DUS4L: variants seen among roughly 807,000 people sequenced by gnomAD.
DUS4L encodes tRNA-dihydrouridine(20a/20b) synthase [NAD(P)+]-like.
In DUS4L, 31 loss-of-function variants were observed where a neutral mutation model predicts 33.8. That is an observed-to-expected ratio of 0.92 (90% CI 0.69 to 1.24). DUS4L has a LOEUF of 1.24. Among genes scored for constraint, DUS4L ranks in the 50% most tolerant of loss-of-function variants. The probability of loss-of-function intolerance (pLI) is 0.00; values close to 1 mark genes in which losing one functional copy is unlikely to be tolerated. For synonymous variants in DUS4L, 103 were observed against 120.3 expected (o/e 0.86, Z 0.94); for missense variants, 368 against 388.6 (o/e 0.95, Z 0.45).
At chr7:107,565,919 C>T (rs1278903583) in intron 2 of DUS4L, among the ~76,000 whole-genome samples, 1 of 152,150 alleles carries the variant, frequency 6.6e-6, no homozygotes, top group Non-Finnish European at 1.5e-5. Flanking sequence ...GTAATTCTTG[C>T]TAAAATCACT....
At chr7:107,573,109 A>G (rs1404589411) in intron 4 of DUS4L, among the ~76,000 whole-genome samples, 1 of 152,230 alleles carries the variant, frequency 6.6e-6, no homozygotes, top group Non-Finnish European at 1.5e-5. Context: ...TTTTATCCAT[A>G]TTGGTATATG....
chr7:107,564,939 G>A (rs1195854355), intron 2 of DUS4L, among the ~76,000 whole-genome samples: 5 of 152,160 alleles, frequency 3.3e-5, no homozygotes, highest in Non-Finnish European at 7.3e-5. Flanking sequence ...TACTTATCCT[G>A]TGCTTATCGC....
chr7:107,564,035 C>A lies in DUS4L; in HGVS notation c.-285C>A. The stretch of plus-strand genomic sequence containing the variant: ...AACTGACTCTCAGCCCGCGCCTGGG[C>A]TAAGCCTGGCTAGGAGCCGCGCAGG... On this transcript the variant is annotated 5_prime_UTR_variant, in exon 1 of 8. Coordinates refer to ENST00000265720, the MANE Select transcript of DUS4L (RefSeq NM_181581.3). 7.1e-7 allele frequency: 1 copy of A among 1,411,468 alleles called. No homozygotes were observed. The highest frequency in any genetic ancestry group is 9.4e-7 in the Non-Finnish European group (1 of 1,065,512). The allele number at this position is 1,411,468 out of a possible 1,614,324, so 87.4% of individuals were successfully genotyped here.
intron 5 of DUS4L, 146 bp downstream of exon 5, chr7:107,573,967 T>A (rs1032323704): frequency 8.9e-7 from 1 of 1,121,462 alleles, no homozygotes; most frequent in African/African-American, 1.6e-5. Flanking sequence ...GAAGAAAATA[T>A]AGGGAAATGT....
Position 107,575,264 on chromosome 7 carries a change from A to G in DUS4L, c.433A>G (p.Arg145Gly). Residue 145 changes from arginine to glycine, a missense_variant, in exon 6 of 8, where the codon AGA becomes GGA. Coordinates refer to ENST00000265720, the MANE Select transcript of DUS4L (RefSeq NM_181581.3). Reference protein sequence around the residue: ...ELVQDMVKQVRNQVETPGFSV... With the variant: ...ELVQDMVKQVGNQVETPGFSV... ...TGTTCAAGACATGGTGAAACAAGTA[A>G]GAAATCAAGTGGAAACCCCTGGATT... 6.2e-7 allele frequency: 1 copy of G among 1,610,814 alleles called. No individual in the cohort carries two copies. Among genetic ancestry groups the G allele is most frequent in the Non-Finnish European group, 8.5e-7 (1 of 1,179,226 alleles).
chr7:107,571,176 A>T lies in DUS4L; in HGVS notation c.148A>T (p.Ser50Cys), dbSNP rs1285880540. 3 of 1,613,518 alleles carry T rather than the reference A, an allele frequency of 1.9e-6. No homozygotes were observed. The highest frequency in any genetic ancestry group is 2.2e-5 in the South Asian group (2 of 90,842). Residue 50 changes from serine to cysteine, a missense_variant, in exon 4 of 8, where the codon AGT becomes TGT. Physicochemically the swap from Ser to Cys is moderately radical, Grantham distance 112. Transcript: ENST00000265720. The stretch of plus-strand genomic sequence containing the variant: ...TTTTAGGACACTAGTAAGAAAATAT[A>T]GTTGTGATCTGTGTTACACACCAAT... ...LAFRTLVRKY[S>C]CDLCYTPMIV...
Position 107,564,134 on chromosome 7 carries a change from G to C in DUS4L, c.-186G>C, listed in dbSNP as rs778346804. The stretch of plus-strand genomic sequence containing the variant: ...CCGAGGGAGCCAAGGCCGTCGGGCC[G>C]GCGCTTTCAGCTGTCTCTCGCAGCA... On this transcript the variant is annotated 5_prime_UTR_variant, in exon 1 of 8. Coordinates refer to ENST00000265720, the MANE Select transcript of DUS4L (RefSeq NM_181581.3). The C allele has an allele frequency of 1.3e-5, 11 of 875,762 alleles. No individual in the cohort carries two copies. The highest frequency in any genetic ancestry group is 1.7e-5 in the Non-Finnish European group (10 of 574,552). 54.2% of individuals were successfully genotyped at this position (875,762 alleles called of 1,614,324 possible).
At position 107,564,367 on chromosome 7, in the gene DUS4L, G is replaced by C. The variant is rs556108188; in HGVS notation, c.-111+158G>C. On this transcript the variant is annotated intron_variant, in intron 1 of 7. Transcript: ENST00000265720. Reference sequence around the variant, plus strand: ...AGAGTCACGCGTTAGTTGCTACACAGCTTTATCTGTTCCACGCCTTGATTG... The same window carrying C: ...AGAGTCACGCGTTAGTTGCTACACACCTTTATCTGTTCCACGCCTTGATTG... The C allele has an allele frequency of 6.0e-5, 17 of 282,862 alleles. 2 individuals are homozygous for C. The South Asian group carries it at 7.2e-4, about 12-fold the overall frequency. 17.5% of individuals were successfully genotyped at this position (282,862 alleles called of 1,614,324 possible).
rs73189511 is a variant in DUS4L, at chr7:107,565,857, T to C, written c.-22+1181T>C. Among the ~76,000 whole-genome samples the C allele has an allele frequency of 6.1e-3, 936 of 152,320 alleles. 3 individuals carry two copies. The highest frequency in any genetic ancestry group is 9.0e-3 in the Non-Finnish European group (615 of 68,018). On this transcript the variant is annotated intron_variant, in intron 2 of 7. Transcript: ENST00000265720. ...ATTTATTCTTTCAGCAAATAAATAT[T>C]GAGGCCTTCTGTATGCCATTTACTA...
At chr7:107,574,298 T>C (rs1805530515) in intron 5 of DUS4L, among the ~76,000 whole-genome samples, 1 of 152,066 alleles carries the variant, frequency 6.6e-6, no homozygotes, top group Admixed American at 6.6e-5. Flanking sequence ...TGTTTGGGTT[T>C]AAATAACTGG....
intron 3 of DUS4L, 40 bp from the exon 4 acceptor site, chr7:107,571,105 G>C: frequency 1.2e-6 from 2 of 1,611,158 alleles, no homozygotes; most frequent in Non-Finnish European, 1.7e-6. Context: ...TATGTTTGTG[G>C]TGTTTCTAAA....
intron 3 of DUS4L, chr7:107,570,237 G>A (rs1457654298): frequency 6.6e-6 from 1 of 152,134 alleles, no homozygotes; most frequent in Non-Finnish European, 1.5e-5. Context: ...CAACACTCCA[G>A]CAGGGAATGA....
rs992713111 is a variant in DUS4L at position 107,577,143 on chromosome 7, G to C, written c.707-170G>C. ...ATTTAAACTTTCCTGGTTTACAAAA[G>C]GTACCAAAATTAATTCTTTTGTAAT... On this transcript the variant is annotated intron_variant, in intron 7 of 7. Coordinates refer to ENST00000265720, the MANE Select transcript of DUS4L (RefSeq NM_181581.3). 3.3e-6 allele frequency: 3 copies of C among 912,396 alleles called. No individual in the cohort carries two copies. The African/African-American group carries it at 5.0e-5, about 15-fold the overall frequency. 56.5% of individuals were successfully genotyped at this position (912,396 alleles called of 1,614,324 possible).
Position 107,576,530 on chromosome 7 carries a change from C to G in DUS4L, c.644C>G (p.Ala215Gly). The G allele has an allele frequency of 6.2e-7, 1 of 1,604,506 alleles. No individual in the cohort carries two copies. The highest frequency in any genetic ancestry group is 8.5e-7 in the Non-Finnish European group (1 of 1,176,532). ...IKENMSIPVIANGDIRSLKEA... is the reference protein window; with the variant it reads ...IKENMSIPVIGNGDIRSLKEA... ...GAAAATATGTCTATACCTGTAATTG[C>G]TAATGGAGACATCAGAAGCTTAAAG... Residue 215 changes from alanine (A) to glycine (G), a missense_variant, in exon 7 of 8, where the codon GCT (alanine) becomes GGT (glycine). Transcript: ENST00000265720.
chr7:107,573,872 T>C (rs371468341), intron 5 of DUS4L, 51 bp downstream of exon 5: 1 of 1,431,012 alleles, frequency 7.0e-7, no homozygotes, highest in East Asian at 2.6e-5. Flanking sequence ...GAAAAAAAAC[T>C]GTGTGAACAT....
chr7:107,572,072 T>C (rs1805292699), intron 4 of DUS4L, among the ~76,000 whole-genome samples: 1 of 152,066 alleles, frequency 6.6e-6, no homozygotes, highest in Non-Finnish European at 1.5e-5. Flanking sequence ...AAGCACAGGC[T>C]CTTATGTTGC....
intron 4 of DUS4L, among the ~76,000 whole-genome samples, chr7:107,572,190 T>G (rs1039571864): frequency 6.6e-5 from 10 of 152,204 alleles, no homozygotes; most frequent in Non-Finnish European, 1.3e-4. Flanking sequence ...GCTTGATTTG[T>G]ATCCTCAGCA....
intron 3 of DUS4L, chr7:107,567,638 TATAAA>T (rs1804829971): frequency 7.6e-6 from 2 of 263,706 alleles, no homozygotes; most frequent in Non-Finnish European, 1.5e-5. Flanking sequence ...AGAAGTTTGT[TATAAA>T]ATATACGTAA....
At chr7:107,565,507 C>G (rs1804568309) in intron 2 of DUS4L, among the ~76,000 whole-genome samples, 1 of 152,102 alleles carries the variant, frequency 6.6e-6, no homozygotes, top group African/African-American at 2.4e-5. Flanking sequence ...TAGTGTACAA[C>G]TAAGGTAGAA....
Sources: allele counts gnomAD v4.1 joint callset (sites outside exome capture counted in the v4.1 genomes callset), GRCh38; gene constraint gnomAD v4.1.1; transcripts MANE v1.5; gene names NCBI Gene and HGNC (gene_info 2026-07-23, HGNC 2026-07-21).